ZNF333: variants seen among roughly 807,000 people sequenced by gnomAD.
ZNF333 encodes the protein zinc finger protein 333.
A neutral mutation model predicts 76.1 loss-of-function variants in ZNF333; 61 were observed. The ratio of observed to expected loss-of-function variants is 0.80; its 90% CI spans 0.65 to 0.99. The LOEUF is 0.99. Among genes scored for constraint, ZNF333 ranks in the 50% least tolerant of loss-of-function variants. The probability of loss-of-function intolerance (pLI) is 0.00; values close to 1 mark genes in which losing one functional copy is unlikely to be tolerated. For synonymous variants in ZNF333, 284 were observed against 305.0 expected, an observed-to-expected ratio of 0.93 and a Z score of 0.72; for missense variants, 717 against 822.4, an observed-to-expected ratio of 0.87 and a Z score of 1.57.
chr19:14,693,559 C>T, intron 2 of ZNF333, 65 bp downstream of exon 2: 2 of 1,533,634 alleles, frequency 1.3e-6, no homozygotes, highest in Admixed American at 1.8e-5. Flanking sequence ...GTCCTCTGGG[C>T]CCTGTCTTCT....
intron 7 of ZNF333, among the ~76,000 whole-genome samples, chr19:14,712,479 C>A (rs930452212): frequency 1.3e-5 from 2 of 152,118 alleles, no homozygotes. Flanking sequence ...CCTCTGCCTC[C>A]CAAAGTGCTG....
At chr19:14,711,848 C>A (rs1470880610) in intron 7 of ZNF333, among the ~76,000 whole-genome samples, 1 of 151,982 alleles carries the variant, frequency 6.6e-6, no homozygotes, top group South Asian at 2.1e-4. Flanking sequence ...AAGAAACACT[C>A]ATGGCAGCAA....
chr19:14,712,907 A>G (rs1489739338), intron 7 of ZNF333, among the ~76,000 whole-genome samples: 2 of 152,150 alleles, frequency 1.3e-5, no homozygotes, highest in Admixed American at 6.5e-5. Flanking sequence ...TCACAGTTCA[A>G]ACCATAGCAG....
At position 14,707,773 on chromosome 19, in the gene ZNF333, G is replaced by C. The variant is rs933357246; in HGVS notation, c.511+1000G>C. ...TCACCGTGTTAGCCAGGATGGTCTCGATCTCCTGACCTCGTGATCCGCCCG... is the reference window on the plus strand; with the variant it reads ...TCACCGTGTTAGCCAGGATGGTCTCCATCTCCTGACCTCGTGATCCGCCCG... On this transcript the variant is annotated intron_variant, in intron 7 of 11. Coordinates refer to ENST00000292530, the MANE Select transcript of ZNF333 (RefSeq NM_032433.4). The C allele has an allele frequency of 1.3e-5, 4 of 297,426 alleles. No homozygotes were observed. In the Admixed American group the frequency reaches 2.1e-4, roughly 15 times the overall value. 18.4% of individuals were successfully genotyped at this position (297,426 alleles called of 1,614,324 possible). A position where few individuals can be genotyped will look rare whatever the true frequency, so the allele number is the denominator to read the frequency against.
downstream of ZNF333, among the ~76,000 whole-genome samples, chr19:14,722,186 G>A (rs1213960591): frequency 1.3e-5 from 2 of 152,234 alleles, no homozygotes; most frequent in Non-Finnish European, 2.9e-5. Context: ...TGATGCAGTG[G>A]TAGATGGTTG....
Position 14,720,905 on chromosome 19 carries a change from A to G in ZNF333, c.*1580A>G. ...TAAATTTATGTATATACATACATAT[A>G]TATGTTTTGAAGCAATGAAATTAAA... On this transcript the variant is annotated 3_prime_UTR_variant, in exon 12 of 12. Transcript: ENST00000292530. 3 of 877,722 alleles carry G rather than the reference A, an allele frequency of 3.4e-6. No homozygotes were observed. Among genetic ancestry groups the G allele is most frequent in the Middle Eastern group, 5.9e-4 (1 of 1,686 alleles). The allele number at this position is 877,722 out of a possible 1,614,324, so 54.4% of individuals were successfully genotyped here. A position where few individuals can be genotyped will look rare whatever the true frequency, so the allele number is the denominator to read the frequency against.
Position 14,703,256 on chromosome 19 carries a change from C to T in ZNF333, c.307-1798C>T, listed in dbSNP as rs922451192. ...TCTTGTGAGAACTCACTCACTATTTCGAGAACAGCAGCATGGGGGTAACTG... is the reference window on the plus strand; with the variant it reads ...TCTTGTGAGAACTCACTCACTATTTTGAGAACAGCAGCATGGGGGTAACTG... On this transcript the variant is annotated intron_variant, in intron 5 of 11. Transcript: ENST00000292530. Among the ~76,000 whole-genome samples the T allele has an allele frequency of 1.5e-4, 23 of 150,412 alleles. No individual in the cohort carries two copies. The East Asian group carries it at 2.6e-3, about 17-fold the overall frequency.
intron 5 of ZNF333, among the ~76,000 whole-genome samples, chr19:14,702,239 G>A (rs1236807432): frequency 6.6e-6 from 1 of 152,206 alleles, no homozygotes; most frequent in Non-Finnish European, 1.5e-5. Flanking sequence ...AAGGAAGCCA[G>A]GCACAGGGCC....
chr19:14,716,195 T>G lies in ZNF333; in HGVS notation c.684T>G (p.Tyr228Ter). The change falls in exon 9 of 12, where the codon TAT becomes TAG. Residue 228 changes from tyrosine (Y) to a stop codon, truncating the protein, a stop_gained. Transcript: ENST00000292530. LOFTEE classifies it high-confidence loss of function. ...VFLDSTQRSL[Y>*]RDVMLENYRN... is the part of the protein sequence containing the mutation. ...TGGACTCTACTCAGAGGAGCCTGTATAGAGATGTGATGCTGGAGAACTACA... is the reference window on the plus strand; with the variant it reads ...TGGACTCTACTCAGAGGAGCCTGTAGAGAGATGTGATGCTGGAGAACTACA... 6.2e-7 allele frequency: 1 copy of G among 1,614,104 alleles called. No homozygotes were observed. The highest frequency in any genetic ancestry group is 8.5e-7 in the Non-Finnish European group (1 of 1,180,016).
At chr19:14,703,360 T>A (rs2042018296) in intron 5 of ZNF333, among the ~76,000 whole-genome samples, 7 of 152,008 alleles carry the variant, frequency 4.6e-5, no homozygotes. Flanking sequence ...CAAGATGAGA[T>A]TTGGGTGGGG....
At chr19:14,704,324 G>A (rs56290936) in intron 5 of ZNF333, among the ~76,000 whole-genome samples, 12,178 of 151,950 alleles carry the variant, frequency 0.08, 733 homozygotes, top group African/African-American at 0.17. Flanking sequence ...TCGCTCTGTC[G>A]TCCAGGCTGG....
rs762833959 is a variant in ZNF333, at chr19:14,719,091, G to A, written c.1764G>A (p.Lys588=). ...RKHARTHSGK[K]PYACQECGRA... ...ATGCAAGGACTCACAGTGGCAAGAAGCCCTATGCATGCCAGGAATGCGGGC... is the reference window on the plus strand; with the variant it reads ...ATGCAAGGACTCACAGTGGCAAGAAACCCTATGCATGCCAGGAATGCGGGC... The change falls in exon 12 of 12, where the codon AAG becomes AAA. Residue 588 remains lysine (K), a synonymous_variant. Coordinates refer to ENST00000292530, the MANE Select transcript of ZNF333 (RefSeq NM_032433.4). 2 of 1,614,154 alleles carry A rather than the reference G, an allele frequency of 1.2e-6. No individual in the cohort carries two copies. Among genetic ancestry groups the A allele is most frequent in the East Asian group, 2.2e-5 (1 of 44,874 alleles).
chr19:14,702,218 A>C (rs1188912197), intron 5 of ZNF333, among the ~76,000 whole-genome samples: 1 of 152,176 alleles, frequency 6.6e-6, no homozygotes, highest in African/African-American at 2.4e-5. Context: ...AACTGCTCTT[A>C]GAAGAGTCCC....
At position 14,717,737 on chromosome 19, in the gene ZNF333, A is replaced by G. The variant is rs745370055; in HGVS notation, c.900+4A>G. 1 of 1,613,296 alleles carries G rather than the reference A, an allele frequency of 6.2e-7. No individual in the cohort carries two copies. The highest frequency in any genetic ancestry group is 8.5e-7 in the Non-Finnish European group (1 of 1,179,262). On this transcript the variant is annotated splice_donor_region_variant and intron_variant, in intron 11 of 11. Transcript: ENST00000292530. ...CCTGTCCATTGATGTGAAAGGGGTA[A>G]GGCTCACCAGGGATTATTCATGGTT...
chr19:14,718,867 C>T lies in ZNF333; in HGVS notation c.1540C>T (p.Pro514Ser). The T allele has an allele frequency of 6.2e-7, 1 of 1,614,148 alleles. No homozygotes were observed. The part of the protein sequence containing the change: ...KPYECNQCGK[P>S]FRTSTHLNVH... ...ATATGAATGCAACCAGTGTGGCAAG[C>T]CCTTCCGGACGAGCACTCATCTGAA... The change falls in exon 12 of 12, where the codon CCC becomes TCC. Residue 514 changes from proline to serine, a missense_variant. Physicochemically the swap from Pro to Ser is moderately conservative, Grantham distance 74. Transcript: ENST00000292530.
At position 14,720,058 on chromosome 19, in the gene ZNF333, C is replaced by T; in HGVS notation, c.*733C>T. 4.1e-6 allele frequency: 3 copies of T among 728,746 alleles called. No individual in the cohort carries two copies. The highest frequency in any genetic ancestry group is 3.4e-6 in the Non-Finnish European group (2 of 595,796). The allele number at this position is 728,746 out of a possible 1,614,324, so 45.1% of individuals were successfully genotyped here. On this transcript the variant is annotated 3_prime_UTR_variant, in exon 12 of 12. Transcript: ENST00000292530. ...AAAATTAGCCAAGTTTGGTGGCATG[C>T]ACCTGTAATCCCAGCTACTTGGGAG...
chr19:14,718,572 C>T lies in ZNF333; in HGVS notation c.1245C>T (p.Thr415=). 6.8e-6 allele frequency: 11 copies of T among 1,614,080 alleles called. No homozygotes were observed. The highest frequency in any genetic ancestry group is 9.3e-6 in the Non-Finnish European group (11 of 1,180,034). ...CGAATCTCCGGCGACACATGAGAACCCATACCGGAGAGAAGCCATTTGAAT... is the reference window on the plus strand; with the variant it reads ...CGAATCTCCGGCGACACATGAGAACTCATACCGGAGAGAAGCCATTTGAAT... ...YSSNLRRHMR[T]HTGEKPFECS... Residue 415 remains threonine (T), a synonymous_variant, in exon 12 of 12, where the codon ACC becomes ACT. Coordinates refer to ENST00000292530, the MANE Select transcript of ZNF333 (RefSeq NM_032433.4).
chr19:14,701,606 A>T (rs970247497), intron 5 of ZNF333: 7 of 985,390 alleles, frequency 7.1e-6, no homozygotes, highest in Non-Finnish European at 8.4e-6. Flanking sequence ...TGAAGAAAGG[A>T]GAGAGGGAGG....
At chr19:14,726,154 G>A (rs972979536), downstream of ZNF333, among the ~76,000 whole-genome samples, 3 of 152,220 alleles carry the variant, frequency 2.0e-5, no homozygotes, top group Non-Finnish European at 4.4e-5. Context: ...AACCTGCAGA[G>A]CTGCAACCCA....
Sources: allele counts gnomAD v4.1 joint callset (sites outside exome capture counted in the v4.1 genomes callset), GRCh38; gene constraint gnomAD v4.1.1; transcripts MANE v1.5; gene names NCBI Gene and HGNC (gene_info 2026-07-23, HGNC 2026-07-21).